Variants in RAD9B observed in about 807,000 individuals in gnomAD.
RAD9B encodes cell cycle checkpoint control protein RAD9B.
Under a neutral mutation model 48.3 loss-of-function variants are expected in RAD9B, and 41 were observed. That is an observed-to-expected ratio of 0.85 (90% CI 0.66 to 1.10). The LOEUF is 1.10. RAD9B is among the 50% of genes least tolerant of loss of function. The pLI is 0.00. For missense variants in RAD9B, 444 were observed against 485.1 expected (o/e 0.92, Z 0.80); for synonymous variants, 160 against 157.9 (o/e 1.01, Z -0.10).
At position 110,518,671 on chromosome 12, in the gene RAD9B, A is replaced by G; in HGVS notation, c.596-5A>G. ...TATTCTTTATTTTCCCATAATATTA[A>G]ACAGATTTGAGCAATGCTGTACACA... is the stretch of plus-strand genomic sequence containing the variant. On this transcript the variant is annotated splice_polypyrimidine_tract_variant and splice_region_variant and intron_variant, in intron 6 of 10. Coordinates refer to ENST00000409300, the MANE Select transcript of RAD9B (RefSeq NM_001286535.2). 2 of 1,554,924 alleles carry G rather than the reference A, an allele frequency of 1.3e-6. No individual in the cohort carries two copies. The highest frequency in any genetic ancestry group is 1.7e-4 in the Middle Eastern group (1 of 5,822).
rs369631240 is a variant in RAD9B at position 110,522,411 on chromosome 12, G to C, written c.1125G>C (p.Lys375Asn). The part of the protein sequence containing the change: ...EEVPGSLCLR[K>N]FSCMFFGAVS... ...TGCCAGGGTCTCTGTGTCTCAGAAA[G>C]GTAAAAGCATTGAGATTCAACCACA... Residue 375 changes from lysine (K) to asparagine (N), a missense_variant and splice_region_variant, in exon 10 of 11, where the codon AAG (lysine) becomes AAC (asparagine). Coordinates refer to ENST00000409300, the MANE Select transcript of RAD9B (RefSeq NM_001286535.2). 1.9e-4 allele frequency: 307 copies of C among 1,595,764 alleles called. No homozygotes were observed. The highest frequency in any genetic ancestry group is 2.5e-4 in the Non-Finnish European group (287 of 1,168,992).
chr12:110,531,573 G>C lies in RAD9B; in HGVS notation c.*920G>C. On this transcript the variant is annotated 3_prime_UTR_variant, in exon 11 of 11. Transcript: ENST00000409300. The stretch of plus-strand genomic sequence containing the variant: ...TTCAGATGTGATTTTTTATTTTGCA[G>C]TGTGCTGCAGGAAAGAATTTAATGG... 1 of 1,580,336 alleles carries C rather than the reference G, an allele frequency of 6.3e-7. No homozygotes were observed. Among genetic ancestry groups the C allele is most frequent in the Non-Finnish European group, 8.7e-7 (1 of 1,152,668 alleles).
At chr12:110,529,995 C>G (rs1371679774) in intron 10 of RAD9B, among the ~76,000 whole-genome samples, 12 of 152,190 alleles carry the variant, frequency 7.9e-5, no homozygotes, top group Non-Finnish European at 1.5e-5. Flanking sequence ...GACCATTGAT[C>G]CCAAACTGAA....
chr12:110,515,011 T>C (rs1440564344), intron 5 of RAD9B, 39 bp from the exon 6 acceptor site: 12 of 1,258,172 alleles, frequency 9.5e-6, no homozygotes. Context: ...TTCTGTTTGT[T>C]TTTCAAATAA....
intron 6 of RAD9B, among the ~76,000 whole-genome samples, chr12:110,516,280 T>C (rs746643769): frequency 6.6e-6 from 1 of 151,278 alleles, no homozygotes; most frequent in Non-Finnish European, 1.5e-5. Flanking sequence ...GTGTCACAAA[T>C]TGCCTAGTGA....
At chr12:110,505,515 C>T (rs1423941207) in intron 2 of RAD9B, 102 bp from the exon 3 acceptor site, 31 of 980,490 alleles carry the variant, frequency 3.2e-5, no homozygotes, top group Non-Finnish European at 4.2e-5. Flanking sequence ...TCCTGGCTTC[C>T]ATCCATCCTC....
At chr12:110,513,862 T>G (rs2063535201) in intron 5 of RAD9B, among the ~76,000 whole-genome samples, 1 of 151,988 alleles carries the variant, frequency 6.6e-6, no homozygotes. Flanking sequence ...TAGCTGGGAC[T>G]ACTAGTGCAA....
chr12:110,519,542 TG>T (rs2063711037), intron 8 of RAD9B, among the ~76,000 whole-genome samples: 1 of 152,086 alleles, frequency 6.6e-6, no homozygotes, highest in South Asian at 2.1e-4. Flanking sequence ...GTGATTCTTC[TG>T]CCTTAGCCTC....
chr12:110,511,206 C>T (rs986237765), intron 4 of RAD9B, among the ~76,000 whole-genome samples: 36 of 152,000 alleles, frequency 2.4e-4, no homozygotes, highest in African/African-American at 8.5e-4. Flanking sequence ...AGAAGTACCA[C>T]ATGATCCAGC....
At chr12:110,506,009 C>G (rs1253274750) in intron 3 of RAD9B, among the ~76,000 whole-genome samples, 1 of 151,996 alleles carries the variant, frequency 6.6e-6, no homozygotes, top group Non-Finnish European at 1.5e-5. Flanking sequence ...CTCAGCCTCC[C>G]AAGTAGCTGG....
rs547567420 is a variant in RAD9B at position 110,532,564 on chromosome 12, G to A, written c.*1911G>A. Reference sequence around the variant, plus strand: ...CTACAAAAATTAGCTGGGCACTTTGGATTTTAGAATTTGGATACAGAGTGC... The same window carrying A: ...CTACAAAAATTAGCTGGGCACTTTGAATTTTAGAATTTGGATACAGAGTGC... On this transcript the variant is annotated 3_prime_UTR_variant, in exon 11 of 11. Transcript: ENST00000409300. Among the ~76,000 whole-genome samples the A allele has an allele frequency of 3.3e-4, 51 of 152,312 alleles. No homozygotes were observed. The highest frequency in any genetic ancestry group is 5.3e-4 in the Non-Finnish European group (36 of 68,032).
intron 1 of RAD9B, 49 bp downstream of exon 1, chr12:110,502,432 G>A (rs374994666): frequency 5.9e-5 from 94 of 1,597,376 alleles, no homozygotes; most frequent in Non-Finnish European, 8.0e-5. Flanking sequence ...AAAAGCAGAC[G>A]TTAATAGGTC....
intron 10 of RAD9B, among the ~76,000 whole-genome samples, chr12:110,529,819 T>G (rs769927373): frequency 2.6e-5 from 4 of 151,892 alleles, no homozygotes; most frequent in African/African-American, 7.3e-5. Flanking sequence ...GATGCAGAGA[T>G]AGGGAGGAAA....
intron 6 of RAD9B, among the ~76,000 whole-genome samples, chr12:110,518,116 G>A (rs1247581537): frequency 1.3e-5 from 2 of 152,056 alleles, no homozygotes; most frequent in Non-Finnish European, 2.9e-5. Flanking sequence ...GCGTGAACCC[G>A]GGAGGCACAG....
intron 6 of RAD9B, among the ~76,000 whole-genome samples, chr12:110,518,050 G>C (rs1187140161): frequency 4.6e-5 from 7 of 152,082 alleles, no homozygotes; most frequent in African/African-American, 1.7e-4. Flanking sequence ...AATTAGCCGA[G>C]TGTGGTGGTG....
intron 5 of RAD9B, among the ~76,000 whole-genome samples, chr12:110,514,264 A>G (rs1593068097): frequency 6.7e-6 from 1 of 149,274 alleles, no homozygotes; most frequent in Middle Eastern, 3.4e-3. Context: ...AAGATTACAT[A>G]AATTCTAAGA....
chr12:110,512,299 C>T (rs565982154), intron 4 of RAD9B, among the ~76,000 whole-genome samples: 1 of 152,180 alleles, frequency 6.6e-6, no homozygotes, highest in South Asian at 2.1e-4. Flanking sequence ...CAGGCATGCA[C>T]CACCATGCCC....
chr12:110,521,195 CA>C (rs1274894553), intron 9 of RAD9B, among the ~76,000 whole-genome samples: 1 of 151,794 alleles, frequency 6.6e-6, no homozygotes, highest in South Asian at 2.1e-4. Flanking sequence ...CTCACTCTGT[CA>C]CCCAGGCTGG....
chr12:110,526,940 C>T lies in RAD9B; in HGVS notation c.1126-3585C>T, dbSNP rs561246068. Reference sequence around the variant, plus strand: ...AAAAAAAAAAGAAAAGAAACCATGCCTCCAATTATGGCCAGATCAGTATGT... The same window carrying T: ...AAAAAAAAAAGAAAAGAAACCATGCTTCCAATTATGGCCAGATCAGTATGT... On this transcript the variant is annotated intron_variant, in intron 10 of 10. Transcript: ENST00000409300. Among the ~76,000 whole-genome samples, 97 of 152,040 alleles carry T rather than the reference C, an allele frequency of 6.4e-4. No homozygotes were observed. The Middle Eastern group carries it at 0.01, about 16-fold the overall frequency.
Sources: gnomAD v4.1 joint callset for allele counts (sites outside exome capture counted in the v4.1 genomes callset) on GRCh38, gnomAD v4.1.1 for gene constraint, MANE v1.5 for transcripts, NCBI Gene and HGNC (gene_info 2026-07-23, HGNC 2026-07-21) for gene names.